QPCTL: variants seen among roughly 807,000 people sequenced by gnomAD.
QPCTL encodes the protein glutaminyl-peptide cyclotransferase-like protein.
A neutral mutation model predicts 34.6 loss-of-function variants in QPCTL; 31 were observed. The ratio of observed to expected loss-of-function variants is 0.90; its 90% CI spans 0.67 to 1.21. The LOEUF is 1.21. Among genes scored for constraint, QPCTL ranks in the 50% most tolerant of loss-of-function variants. The probability of loss-of-function intolerance (pLI) is 0.00; values close to 1 mark genes in which losing one functional copy is unlikely to be tolerated. For synonymous variants in QPCTL, 223 were observed against 226.9 expected (o/e 0.98, Z 0.15); for missense variants, 474 against 507.8 (o/e 0.93, Z 0.64).
intron 5 of QPCTL, among the ~76,000 whole-genome samples, chr19:45,701,260 G>A (rs1034050685): frequency 1.3e-5 from 2 of 151,988 alleles, no homozygotes; most frequent in African/African-American, 4.8e-5. Flanking sequence ...ACTCCAGTGT[G>A]GGTGAGAGAG....
chr19:45,694,117 C>T (rs916005747), intron 2 of QPCTL, among the ~76,000 whole-genome samples: 2 of 152,160 alleles, frequency 1.3e-5, no homozygotes, highest in African/African-American at 4.8e-5. Flanking sequence ...CAGTGGTTCA[C>T]ACCTCTAATC....
chr19:45,701,680 C>G (rs4803847), intron 5 of QPCTL, 118 bp from the exon 6 acceptor site: 1 of 736,320 alleles, frequency 1.4e-6, no homozygotes, highest in Non-Finnish European at 2.3e-6. Context: ...CTGGCATTCA[C>G]TCTTGTTGGG....
chr19:45,695,345 C>T, intron 2 of QPCTL, 92 bp from the exon 3 acceptor site: 4 of 1,192,842 alleles, frequency 3.4e-6, no homozygotes, highest in Admixed American at 2.2e-5. Context: ...TTAGTGTCAA[C>T]CCATCTGCTC....
intron 3 of QPCTL, among the ~76,000 whole-genome samples, chr19:45,697,329 G>A (rs1416593791): frequency 6.6e-6 from 1 of 151,458 alleles, no homozygotes; most frequent in Non-Finnish European, 1.5e-5. Context: ...GGGAGGCTGA[G>A]GCAGGAGAAT....
rs769290740 is a variant in QPCTL at position 45,701,758 on chromosome 19, TA to T, written c.887-38del. ...TTGTGGACTGGGGACCTTCGACTAC[TA>T]AGGACTAACCCTTCCTCTCTAATCG... On this transcript the variant is annotated intron_variant, in intron 5 of 6. Coordinates refer to ENST00000012049, the MANE Select transcript of QPCTL (RefSeq NM_017659.4). 7 of 1,513,106 alleles carry T rather than the reference TA, an allele frequency of 4.6e-6. 1 individual carries two copies. The East Asian group carries it at 1.6e-4, about 34-fold the overall frequency. 93.7% of individuals were successfully genotyped at this position (1,513,106 alleles called of 1,614,324 possible).
rs1568539280 is a variant in QPCTL, at chr19:45,698,851, C to T, written c.837C>T (p.Tyr279=). The change falls in exon 5 of 7, where the codon TAC becomes TAT. Residue 279 remains tyrosine (Y), a synonymous_variant. Coordinates refer to ENST00000012049, the MANE Select transcript of QPCTL (RefSeq NM_017659.4). Reference sequence around the variant, plus strand: ...TGGGAGCCCCCAATCCCACCTTCTACAGCCACTTCCCTCGCACGGTCCGCT... The same window carrying T: ...TGGGAGCCCCCAATCCCACCTTCTATAGCCACTTCCCTCGCACGGTCCGCT... The part of the protein sequence containing the change: ...DLLGAPNPTF[Y]SHFPRTVRWF... The T allele has an allele frequency of 5.0e-6, 8 of 1,614,108 alleles. No individual in the cohort carries two copies. Among genetic ancestry groups the T allele is most frequent in the Middle Eastern group, 1.6e-4 (1 of 6,062 alleles).
At chr19:45,700,819 T>C (rs976123259) in intron 5 of QPCTL, among the ~76,000 whole-genome samples, 18 of 151,552 alleles carry the variant, frequency 1.2e-4, no homozygotes, top group South Asian at 4.2e-4. Context: ...ATTAGCTGGG[T>C]GTGGTGGTGG....
In QPCTL at chr19:45,703,474, G is replaced by GT. The variant is rs1967847014; in HGVS notation, c.*426dup. 1 of 155,868 alleles carries GT rather than the reference G, an allele frequency of 6.4e-6. No homozygotes were observed. The highest frequency in any genetic ancestry group is 1.4e-5 in the Non-Finnish European group (1 of 70,314). 9.7% of individuals were successfully genotyped at this position (155,868 alleles called of 1,614,324 possible). The stretch of plus-strand genomic sequence containing the variant: ...GCCTCCCAAGTAGCTGGGACTACAG[G>GT]TGCCCGCCACCACGCTGGCTAATTT... On this transcript the variant is annotated 3_prime_UTR_variant, in exon 7 of 7. Transcript: ENST00000012049.
chr19:45,693,657 G>T lies in QPCTL; in HGVS notation c.351+101G>T, dbSNP rs1409148840. The stretch of plus-strand genomic sequence containing the variant: ...CAAAGAAGCTAAGAGGAGGAACTGG[G>T]GCTCTGACTGGAGTTAATCGGACTC... On this transcript the variant is annotated intron_variant, in intron 2 of 6. Transcript: ENST00000012049. The T allele has an allele frequency of 4.1e-6, 6 of 1,462,096 alleles. No individual in the cohort carries two copies. In the Admixed American group the frequency reaches 1.4e-4, roughly 35 times the overall value. The allele number at this position is 1,462,096 out of a possible 1,614,324, so 90.6% of individuals were successfully genotyped here.
At chr19:45,698,406 T>G in intron 3 of QPCTL, 141 bp from the exon 4 acceptor site, 1 of 1,013,144 alleles carries the variant, frequency 9.9e-7, no homozygotes, top group Non-Finnish European at 1.4e-6. Flanking sequence ...ACTCGGAATC[T>G]GTGCTCTTGG....
intron 5 of QPCTL, among the ~76,000 whole-genome samples, chr19:45,700,433 G>A (rs1967787760): frequency 6.6e-6 from 1 of 151,860 alleles, no homozygotes; most frequent in Non-Finnish European, 1.5e-5. Flanking sequence ...GACAGAGCGA[G>A]ACTCTGTCAC....
intron 5 of QPCTL, 128 bp downstream of exon 5, chr19:45,699,028 C>CAA: frequency 5.1e-6 from 3 of 592,942 alleles, no homozygotes; most frequent in Non-Finnish European, 8.3e-6. Context: ...AGGGAGACCC[C>CAA]ATCTTTTTTT....
chr19:45,698,959 G>A, intron 5 of QPCTL, 59 bp downstream of exon 5: 1 of 1,511,932 alleles, frequency 6.6e-7, no homozygotes, highest in Non-Finnish European at 9.2e-7. Flanking sequence ...ACAGGGCGGT[G>A]GGCTGGGGTA....
At position 45,693,536 on chromosome 19, in the gene QPCTL, G is replaced by A. The variant is rs200757176; in HGVS notation, c.331G>A (p.Gly111Arg). Residue 111 changes from glycine to arginine, a missense_variant, in exon 2 of 7, where the codon GGA becomes AGA. Transcript: ENST00000012049. The part of the protein sequence containing the change: ...LLVVRTPGSP[G>R]NLQVRKFLEA... ...GGTTGTGCGAACCCCGGGCAGCCCGGGAAATCTCCAAGTCAGAAAGGTAAA... is the reference window on the plus strand; with the variant it reads ...GGTTGTGCGAACCCCGGGCAGCCCGAGAAATCTCCAAGTCAGAAAGGTAAA... 228 of 1,611,780 alleles carry A rather than the reference G, an allele frequency of 1.4e-4. 1 individual carries two copies. The highest frequency in any genetic ancestry group is 3.1e-5 in the Non-Finnish European group (36 of 1,178,816).
At chr19:45,701,145 CA>C (rs1967804370) in intron 5 of QPCTL, among the ~76,000 whole-genome samples, 1 of 151,854 alleles carries the variant, frequency 6.6e-6, no homozygotes, top group Non-Finnish European at 1.5e-5. Flanking sequence ...ATTACCCAGG[CA>C]TGGGGGCATG....
intron 5 of QPCTL, among the ~76,000 whole-genome samples, chr19:45,701,114 G>GCACA (rs35311735): frequency 0.043 from 6,445 of 149,654 alleles, 546 homozygotes; most frequent in East Asian, 0.34. Flanking sequence ...ACACACACGC[G>GCACA]CACACACACA....
intron 3 of QPCTL, among the ~76,000 whole-genome samples, chr19:45,696,850 T>C (rs1266453342): frequency 6.6e-6 from 1 of 151,732 alleles, no homozygotes; most frequent in Non-Finnish European, 1.5e-5. Flanking sequence ...CGGCCGGGCG[T>C]GGTAACTCGC....
intron 3 of QPCTL, among the ~76,000 whole-genome samples, chr19:45,697,605 C>T (rs1967725328): frequency 6.6e-6 from 1 of 152,120 alleles, no homozygotes; most frequent in South Asian, 2.1e-4. Context: ...CTTCCCTGGC[C>T]ATAGCCTTGC....
Position 45,692,742 on chromosome 19 carries a change from G to T in QPCTL, c.39G>T (p.Leu13=), listed in dbSNP as rs1250901950. 1.3e-6 allele frequency: 2 copies of T among 1,572,734 alleles called. No individual in the cohort carries two copies. The highest frequency in any genetic ancestry group is 2.3e-5 in the South Asian group (2 of 87,032). The change falls in exon 1 of 7, where the codon CTG becomes CTT. Residue 13 remains leucine (L), a synonymous_variant. Coordinates refer to ENST00000012049, the MANE Select transcript of QPCTL (RefSeq NM_017659.4). Reference sequence around the variant, plus strand: ...GCCGCGGGCGACCCCGCCTGCGGCTGGGGGAACGTGGCCTCATGGAGCCAC... The same window carrying T: ...GCCGCGGGCGACCCCGCCTGCGGCTTGGGGAACGTGGCCTCATGGAGCCAC... The part of the protein sequence containing the change: ...SGGRGRPRLR[L]GERGLMEPLL...
Sources: allele counts gnomAD v4.1 joint callset (sites outside exome capture counted in the v4.1 genomes callset), GRCh38; gene constraint gnomAD v4.1.1; transcripts MANE v1.5; gene names NCBI Gene and HGNC (gene_info 2026-07-23, HGNC 2026-07-21).